Variants in WASHC2C observed in about 807,000 individuals in gnomAD.
WASHC2C encodes Vaccinia Penetration Factor.
In WASHC2C, 73 loss-of-function variants were observed where a neutral mutation model predicts 142.2. That is an observed-to-expected ratio of 0.51 (90% CI 0.43 to 0.62). The LOEUF (loss-of-function observed/expected upper bound fraction) is 0.62. WASHC2C is among the 20% of genes least tolerant of loss of function. The pLI is 0.00. For missense variants in WASHC2C, 969 were observed against 1,531.7 expected (o/e 0.63, Z 6.13); for synonymous variants, 337 against 565.5 (o/e 0.60, Z 5.73).
At chr10:45,738,978 A>G (rs2051635969) in intron 4 of WASHC2C, among the ~76,000 whole-genome samples, 1 of 152,316 alleles carries the variant, frequency 6.6e-6, no homozygotes, top group East Asian at 1.9e-4. Context: ...AAGTGCTAGG[A>G]TTACAGGTGT....
At chr10:45,772,560 T>TA (rs1158635686) in intron 20 of WASHC2C, among the ~76,000 whole-genome samples, 2 of 151,394 alleles carry the variant, frequency 1.3e-5, no homozygotes, top group African/African-American at 4.8e-5. Flanking sequence ...TCCAAAAAAG[T>TA]AAAAAAATTA....
At chr10:45,736,694 A>G (rs1490662147) in intron 3 of WASHC2C, among the ~76,000 whole-genome samples, 4 of 152,194 alleles carry the variant, frequency 2.6e-5, no homozygotes, top group Admixed American at 1.3e-4. Flanking sequence ...GGAAATGAGC[A>G]TACACACCAG....
Position 45,728,910 on chromosome 10 carries a change from C to T in WASHC2C, c.175C>T (p.His59Tyr), listed in dbSNP as rs1554861095. The stretch of plus-strand genomic sequence containing the variant: ...CTCACAGCAAACTATCTCTAGGACC[C>T]ATGAAATCAAGAAACAAGTGGACGG... Reference protein sequence around the residue: ...EFSQQTISRTHEIKKQVDGLI... With the variant: ...EFSQQTISRTYEIKKQVDGLI... The change falls in exon 3 of 31, where the codon CAT (histidine) becomes TAT (tyrosine). Residue 59 changes from histidine (H) to tyrosine (Y), a missense_variant. By Grantham distance (83) the His-to-Tyr change is moderately conservative (BLOSUM62 2). Coordinates refer to ENST00000623400, the MANE Select transcript of WASHC2C (RefSeq NM_001330074.2). 1.2e-6 allele frequency: 2 copies of T among 1,613,904 alleles called. No individual in the cohort carries two copies. The highest frequency in any genetic ancestry group is 1.7e-6 in the Non-Finnish European group (2 of 1,179,852).
chr10:45,788,507 T>C (rs2058207457), intron 28 of WASHC2C, among the ~76,000 whole-genome samples: 1 of 152,124 alleles, frequency 6.6e-6, no homozygotes, highest in African/African-American at 2.4e-5. Context: ...CCCACGTTTC[T>C]GTTGAGGGTA....
intron 3 of WASHC2C, among the ~76,000 whole-genome samples, chr10:45,730,450 C>G (rs1222461739): frequency 0.01 from 1,484 of 142,808 alleles, 28 homozygotes; most frequent in African/African-American, 0.037. Flanking sequence ...GTCAGGGACT[C>G]TAGACTCAAC....
chr10:45,743,138 A>AGGCGTG (rs2052348044), intron 5 of WASHC2C, among the ~76,000 whole-genome samples: 1 of 151,626 alleles, frequency 6.6e-6, no homozygotes, highest in Non-Finnish European at 1.5e-5. Flanking sequence ...TGGCTTCCCA[A>AGGCGTG]AGTGCTAGGA....
chr10:45,739,077 A>G (rs1478584034), intron 4 of WASHC2C, among the ~76,000 whole-genome samples: 1 of 151,836 alleles, frequency 6.6e-6, no homozygotes, highest in African/African-American at 2.4e-5. Context: ...GGTTATACCA[A>G]TTCAGGGTTT....
intron 5 of WASHC2C, among the ~76,000 whole-genome samples, chr10:45,742,877 CTTT>C (rs1227719013): frequency 2.1e-5 from 2 of 96,062 alleles, no homozygotes; most frequent in Non-Finnish European, 4.1e-5. Flanking sequence ...CATCTTTTTT[CTTT>C]TTTTTTTTTT....
intron 27 of WASHC2C, 108 bp downstream of exon 27, chr10:45,786,782 C>T (rs1254491610): frequency 1.3e-5 from 20 of 1,590,520 alleles, no homozygotes; most frequent in African/African-American, 4.0e-5. Flanking sequence ...TCTCTTCCCC[C>T]GCCTCCCCTC....
In WASHC2C at chr10:45,792,949, T is replaced by C. The variant is rs1212397880; in HGVS notation, c.*549T>C. 5 of 468,938 alleles carry C rather than the reference T, an allele frequency of 1.1e-5. No individual in the cohort carries two copies. Among genetic ancestry groups the C allele is most frequent in the East Asian group, 1.4e-4 (2 of 14,414 alleles). 29.0% of individuals were successfully genotyped at this position (468,938 alleles called of 1,614,324 possible). A position where few individuals can be genotyped will look rare whatever the true frequency, so the allele number is the denominator to read the frequency against. ...GTCATATTTTGTTAATAAAATTTTA[T>C]TGGAACACAATCACATTCATTTGTT... On this transcript the variant is annotated 3_prime_UTR_variant, in exon 31 of 31. Transcript: ENST00000623400.
chr10:45,783,391 A>C (rs1402369082), intron 23 of WASHC2C, among the ~76,000 whole-genome samples: 1 of 152,216 alleles, frequency 6.6e-6, no homozygotes, highest in Non-Finnish European at 1.5e-5. Flanking sequence ...ATATGTAACA[A>C]TAATAATTAT....
At chr10:45,784,100 A>G (rs1404226968) in intron 23 of WASHC2C, among the ~76,000 whole-genome samples, 1 of 151,710 alleles carries the variant, frequency 6.6e-6, no homozygotes, top group African/African-American at 2.4e-5. Flanking sequence ...ATTCAGTTGT[A>G]TGTTTTTTAC....
intron 15 of WASHC2C, 98 bp downstream of exon 15, chr10:45,755,213 C>G: frequency 1.3e-6 from 2 of 1,499,674 alleles, no homozygotes; most frequent in East Asian, 4.9e-5. Context: ...CTTACAGTGC[C>G]AGAATCCCTT....
rs1395892113 is a variant in WASHC2C at position 45,743,374 on chromosome 10, C to T, written c.529-16C>T. The T allele has an allele frequency of 2.5e-6, 4 of 1,611,832 alleles. No individual in the cohort carries two copies. Among genetic ancestry groups the T allele is most frequent in the Non-Finnish European group, 3.4e-6 (4 of 1,179,846 alleles). On this transcript the variant is annotated splice_polypyrimidine_tract_variant and intron_variant, in intron 5 of 30. Coordinates refer to ENST00000623400, the MANE Select transcript of WASHC2C (RefSeq NM_001330074.2). ...AACTGAAATGTTTGACAGCCTATTC[C>T]TTTCATCATGTACAGGATCTATACA...
intron 17 of WASHC2C, among the ~76,000 whole-genome samples, chr10:45,762,213 T>C (rs575687523): frequency 1.3e-5 from 2 of 151,852 alleles, no homozygotes; most frequent in African/African-American, 4.8e-5. Context: ...TTGATTTTTA[T>C]ATTTTTTAGC....
intron 23 of WASHC2C, among the ~76,000 whole-genome samples, chr10:45,783,374 C>T (rs186904879): frequency 8.3e-4 from 126 of 152,248 alleles, no homozygotes; most frequent in Middle Eastern, 3.4e-3. Context: ...GTGTTAAACT[C>T]ATTTTTATAT....
At chr10:45,754,803 G>A in intron 14 of WASHC2C, 133 bp from the exon 15 acceptor site, 2 of 1,330,120 alleles carry the variant, frequency 1.5e-6, no homozygotes, top group Non-Finnish European at 2.1e-6. Flanking sequence ...ATGGATGGAG[G>A]CTATTGGGCC....
chr10:45,739,784 G>T (rs2134245050), intron 4 of WASHC2C, among the ~76,000 whole-genome samples: 1 of 152,202 alleles, frequency 6.6e-6, no homozygotes, highest in South Asian at 2.1e-4. Flanking sequence ...TTCATTGTTG[G>T]GATACTTCTC....
chr10:45,757,575 C>T (rs2054462129), intron 16 of WASHC2C, among the ~76,000 whole-genome samples: 1 of 152,134 alleles, frequency 6.6e-6, no homozygotes, highest in Non-Finnish European at 1.5e-5. Flanking sequence ...ATTAGAATTG[C>T]TCCAGTTGCC....
Sources: allele counts gnomAD v4.1 joint callset (sites outside exome capture counted in the v4.1 genomes callset), GRCh38; gene constraint gnomAD v4.1.1; transcripts MANE v1.5; gene names NCBI Gene and HGNC (gene_info 2026-07-23, HGNC 2026-07-21).